WWOX: variants seen among roughly 807,000 people sequenced by gnomAD.
WWOX encodes the protein WW domain containing oxidoreductase.
Under a neutral mutation model 46.2 loss-of-function variants are expected in WWOX, and 69 were observed. That is an observed-to-expected ratio of 1.49 (90% CI 1.23 to 1.82). The LOEUF is 1.82. WWOX is among the 40% of genes most tolerant of loss of function. WWOX has a pLI of 0.00. For synonymous variants in WWOX, 359 were observed against 202.6 expected (o/e 1.77, Z -6.56); for missense variants, 919 against 542.6 (o/e 1.69, Z -6.89).
chr16:78,902,667 A>C (rs1007248685), intron 8 of WWOX, among the ~76,000 whole-genome samples: 1 of 152,224 alleles, frequency 6.6e-6, no homozygotes, highest in African/African-American at 2.4e-5. Flanking sequence ...CCGGCTCTGC[A>C]GGGAGGGCAA....
intron 5 of WWOX, among the ~76,000 whole-genome samples, chr16:78,383,862 G>A (rs2082005749): frequency 6.6e-6 from 1 of 152,108 alleles, no homozygotes; most frequent in South Asian, 2.1e-4. Context: ...CACAGCTTGT[G>A]GATTAGTCTG....
intron 8 of WWOX, among the ~76,000 whole-genome samples, chr16:79,059,787 A>G (rs1431019409): frequency 6.6e-6 from 1 of 152,224 alleles, no homozygotes; most frequent in Non-Finnish European, 1.5e-5. Context: ...TTGTTCTGCT[A>G]ATTATCCTAC....
At chr16:79,023,975 T>C (rs1282991927) in intron 8 of WWOX, among the ~76,000 whole-genome samples, 1 of 148,314 alleles carries the variant, frequency 6.7e-6, no homozygotes, top group Non-Finnish European at 1.5e-5. Flanking sequence ...AAAAAAAACA[T>C]TATATTAAGT....
rs974882560 is a variant in WWOX, at chr16:78,253,393, C to T, written c.516+89104C>T. On this transcript the variant is annotated intron_variant, in intron 5 of 8. Transcript: ENST00000566780. ...CATGTGCTTCGACTTTCAGCCTTTA[C>T]AGAAACCCTGTGAATAGACATTATT... Among the ~76,000 whole-genome samples the T allele has an allele frequency of 4.6e-5, 7 of 152,252 alleles. 1 individual carries two copies. Among genetic ancestry groups the T allele is most frequent in the Admixed American group, 1.3e-4 (2 of 15,288 alleles).
intron 8 of WWOX, among the ~76,000 whole-genome samples, chr16:78,736,317 T>C (rs1012700185): frequency 5.3e-5 from 8 of 152,052 alleles, no homozygotes; most frequent in Non-Finnish European, 1.0e-4. Context: ...TGTTGCCAGG[T>C]GTCTTGGGCA....
intron 8 of WWOX, among the ~76,000 whole-genome samples, chr16:78,603,415 C>T (rs2045670382): frequency 2.0e-5 from 3 of 152,206 alleles, no homozygotes; most frequent in African/African-American, 7.2e-5. Context: ...CTATATCCTG[C>T]TGGGTGCAGT....
chr16:79,022,525 C>G (rs542518326), intron 8 of WWOX, among the ~76,000 whole-genome samples: 1 of 151,920 alleles, frequency 6.6e-6, no homozygotes, highest in African/African-American at 2.4e-5. Flanking sequence ...AGCATATGTT[C>G]CCGATGATTG....
At chr16:78,778,801 C>T (rs1044696402) in intron 8 of WWOX, among the ~76,000 whole-genome samples, 1 of 152,188 alleles carries the variant, frequency 6.6e-6, no homozygotes, top group Non-Finnish European at 1.5e-5. Flanking sequence ...CTGTCCTTTT[C>T]ATGGAAAGGG....
intron 8 of WWOX, among the ~76,000 whole-genome samples, chr16:79,168,570 G>T (rs1312300420): frequency 6.6e-6 from 1 of 152,138 alleles, no homozygotes; most frequent in Non-Finnish European, 1.5e-5. Context: ...ATATTACCCA[G>T]GAAGGGACAA....
rs557082462 is a variant in WWOX at position 78,883,550 on chromosome 16, C to T, written c.1057-328058C>T. Among the ~76,000 whole-genome samples, 5 of 151,986 alleles carry T rather than the reference C, an allele frequency of 3.3e-5. No individual in the cohort carries two copies. The South Asian group carries it at 1.0e-3, about 32-fold the overall frequency. ...ACCAGCCTGGCGAACATGGCAAAACCCCATCTCTACTAAAAATACAAAAAT... is the reference window on the plus strand; with the variant it reads ...ACCAGCCTGGCGAACATGGCAAAACTCCATCTCTACTAAAAATACAAAAAT... On this transcript the variant is annotated intron_variant, in intron 8 of 8. Transcript: ENST00000566780.
intron 8 of WWOX, among the ~76,000 whole-genome samples, chr16:78,762,266 G>T (rs2049813055): frequency 6.6e-6 from 1 of 152,166 alleles, no homozygotes. Flanking sequence ...CCACCCTCTT[G>T]GTACTCAAAG....
intron 8 of WWOX, among the ~76,000 whole-genome samples, chr16:78,497,005 G>C (rs545751487): frequency 1.3e-5 from 2 of 152,330 alleles, no homozygotes; most frequent in East Asian, 1.9e-4. Context: ...TTAGTAATGG[G>C]AAACTTTGGA....
intron 8 of WWOX, among the ~76,000 whole-genome samples, chr16:78,999,344 C>T (rs1455149659): frequency 6.6e-6 from 1 of 152,098 alleles, no homozygotes; most frequent in Non-Finnish European, 1.5e-5. Context: ...GTGGCACATG[C>T]CTGTAATCCC....
intron 8 of WWOX, among the ~76,000 whole-genome samples, chr16:78,685,542 A>G (rs190173089): frequency 6.6e-6 from 1 of 152,240 alleles, no homozygotes; most frequent in Non-Finnish European, 1.5e-5. Flanking sequence ...AATAGCCCCC[A>G]AAATGAAAAT....
chr16:78,469,586 T>G (rs1188387976), intron 8 of WWOX, among the ~76,000 whole-genome samples: 1 of 152,156 alleles, frequency 6.6e-6, no homozygotes, highest in Non-Finnish European at 1.5e-5. Flanking sequence ...AGGGGTCTAG[T>G]TAAGAGATGT....
intron 8 of WWOX, among the ~76,000 whole-genome samples, chr16:78,804,380 A>C (rs971721624): frequency 2.4e-4 from 36 of 152,094 alleles, no homozygotes; most frequent in African/African-American, 8.2e-4. Context: ...CAAAATTAAC[A>C]GCTCTTGGAG....
intron 8 of WWOX, among the ~76,000 whole-genome samples, chr16:78,622,489 C>G (rs1014087869): frequency 9.9e-5 from 15 of 151,666 alleles, no homozygotes; most frequent in African/African-American, 2.4e-4. Flanking sequence ...TTGCAGGGAG[C>G]TGAGATCGTG....
chr16:78,748,325 A>G (rs756583512), intron 8 of WWOX, among the ~76,000 whole-genome samples: 14 of 152,360 alleles, frequency 9.2e-5, no homozygotes, highest in South Asian at 6.2e-4. Flanking sequence ...TATGCAAATA[A>G]TTACTGTTAC....
chr16:78,775,642 C>G (rs758367369), intron 8 of WWOX, among the ~76,000 whole-genome samples: 3 of 152,184 alleles, frequency 2.0e-5, no homozygotes, highest in Non-Finnish European at 4.4e-5. Flanking sequence ...ATGAAAATGT[C>G]TTTCTTATAG....
Sources: gnomAD v4.1 joint callset for allele counts (sites outside exome capture counted in the v4.1 genomes callset) on GRCh38, gnomAD v4.1.1 for gene constraint, MANE v1.5 for transcripts, NCBI Gene and HGNC (gene_info 2026-07-23, HGNC 2026-07-21) for gene names.